The following EYA4 variants were observed in gnomAD, a reference collection of about 807,000 sequenced individuals.
EYA4 encodes the protein EYA transcriptional coactivator and phosphatase 4.
Under a neutral mutation model 87.9 loss-of-function variants are expected in EYA4, and 31 were observed. That is an observed-to-expected ratio of 0.35 (90% confidence interval 0.27 to 0.48). The LOEUF (loss-of-function observed/expected upper bound fraction) is 0.48. Ranked by LOEUF, EYA4 falls within the 20% of genes least tolerant of loss-of-function variation. The pLI is 0.99. For synonymous variants in EYA4, 263 were observed against 270.6 expected (o/e 0.97, Z 0.28); for missense variants, 678 against 761.4 (o/e 0.89, Z 1.29).
At chr6:133,417,716 C>A (rs917188315) in intron 3 of EYA4, among the ~76,000 whole-genome samples, 1 of 152,116 alleles carries the variant, frequency 6.6e-6, no homozygotes, top group African/African-American at 2.4e-5. Context: ...ACGTTATTTT[C>A]TCCTTTAATC....
intron 2 of EYA4, among the ~76,000 whole-genome samples, chr6:133,321,575 T>C (rs946533408): frequency 2.6e-5 from 4 of 152,202 alleles, no homozygotes; most frequent in African/African-American, 9.7e-5. Context: ...TATTTGAAAA[T>C]CCTAAACAAA....
chr6:133,282,598 A>ATG (rs1554216621), intron 2 of EYA4, among the ~76,000 whole-genome samples: 2,707 of 151,272 alleles, frequency 0.018, 36 homozygotes, highest in South Asian at 0.06. Context: ...GTATATATAT[A>ATG]TATGTATATA....
chr6:133,353,896 G>C (rs1005579696), intron 2 of EYA4, among the ~76,000 whole-genome samples: 6 of 152,160 alleles, frequency 3.9e-5, no homozygotes, highest in Admixed American at 3.9e-4. Flanking sequence ...GTTTTCGTCA[G>C]TGAAAACCCA....
Position 133,294,369 on chromosome 6 carries a change from T to C in EYA4, c.33+19556T>C, listed in dbSNP as rs1469974696. ...TTTTTTTTTTGTTTTGTTTTTGTTT[T>C]TTTTGTTTTTTTTTTTAAGAGACAG... On this transcript the variant is annotated intron_variant, in intron 2 of 19. Transcript: ENST00000355286. Among the ~76,000 whole-genome samples, 8 of 151,058 alleles carry C rather than the reference T, an allele frequency of 5.3e-5. No individual in the cohort carries two copies. In the East Asian group the frequency reaches 7.8e-4, roughly 15 times the overall value.
chr6:133,377,444 A>G lies in EYA4; in HGVS notation c.34-4948A>G, dbSNP rs1231532303. ...GTGTCAAACTGCTTACGTCTAGTTC[A>G]TCTCTGTGGCTGGAACACTGCCTCG... On this transcript the variant is annotated intron_variant, in intron 2 of 19. Coordinates refer to ENST00000355286, the MANE Select transcript of EYA4 (RefSeq NM_004100.5). 3.9e-5 allele frequency among the ~76,000 whole-genome samples: 6 copies of G among 151,940 alleles called. No homozygotes were observed. In the East Asian group the frequency reaches 1.2e-3, roughly 29 times the overall value.
intron 1 of EYA4, among the ~76,000 whole-genome samples, chr6:133,244,085 G>T (rs1211918299): frequency 1.3e-5 from 2 of 152,118 alleles, no homozygotes; most frequent in Non-Finnish European, 2.9e-5. Flanking sequence ...AATTAGATTT[G>T]TTGAAAATGT....
Position 133,336,859 on chromosome 6 carries a change from A to G in EYA4, c.34-45533A>G, listed in dbSNP as rs370603871. Among the ~76,000 whole-genome samples the G allele has an allele frequency of 9.2e-5, 14 of 152,238 alleles. No individual in the cohort carries two copies. In the East Asian group the frequency reaches 1.9e-3, roughly 21 times the overall value. On this transcript the variant is annotated intron_variant, in intron 2 of 19. Coordinates refer to ENST00000355286, the MANE Select transcript of EYA4 (RefSeq NM_004100.5). ...AAGTGTTCATTGTACTAATCTTTCA[A>G]TTTTTTTGCATCTATGAAAATTTTT...
intron 13 of EYA4, among the ~76,000 whole-genome samples, chr6:133,496,311 T>C (rs967492262): frequency 6.6e-6 from 1 of 152,222 alleles, no homozygotes; most frequent in Non-Finnish European, 1.5e-5. Context: ...ATTTCCACAA[T>C]ATGCATGTTA....
At chr6:133,419,254 A>G (rs1790017430) in intron 3 of EYA4, among the ~76,000 whole-genome samples, 2 of 152,268 alleles carry the variant, frequency 1.3e-5, no homozygotes, top group South Asian at 4.1e-4. Context: ...TGAGGGATGT[A>G]TTTTCCCAAA....
At chr6:133,459,087 T>C (rs895780054) in intron 6 of EYA4, among the ~76,000 whole-genome samples, 1 of 152,194 alleles carries the variant, frequency 6.6e-6, no homozygotes, top group African/African-American at 2.4e-5. Flanking sequence ...CTCACTTTAA[T>C]CCAATTTTGT....
At chr6:133,349,188 C>A (rs915000587) in intron 2 of EYA4, among the ~76,000 whole-genome samples, 3 of 152,190 alleles carry the variant, frequency 2.0e-5, no homozygotes, top group African/African-American at 7.2e-5. Context: ...TCCAAAATAT[C>A]TTTTGAATAA....
At chr6:133,442,552 A>C (rs1272890094) in intron 3 of EYA4, among the ~76,000 whole-genome samples, 2 of 152,094 alleles carry the variant, frequency 1.3e-5, no homozygotes, top group Non-Finnish European at 2.9e-5. Context: ...TTCACTCATT[A>C]GTTCTAGTAG....
chr6:133,469,550 C>G (rs1240707960), intron 11 of EYA4, among the ~76,000 whole-genome samples: 5 of 151,748 alleles, frequency 3.3e-5, no homozygotes, highest in Non-Finnish European at 5.9e-5. Context: ...CATATATATG[C>G]TAGAAAATGG....
At chr6:133,354,464 CTG>C (rs1249999980) in intron 2 of EYA4, among the ~76,000 whole-genome samples, 1 of 152,120 alleles carries the variant, frequency 6.6e-6, no homozygotes, top group Non-Finnish European at 1.5e-5. Context: ...AATGTTTACT[CTG>C]TGCTATACGT....
At chr6:133,428,809 C>T (rs6940974) in intron 3 of EYA4, among the ~76,000 whole-genome samples, 3,404 of 151,222 alleles carry the variant, frequency 0.023, 116 homozygotes, top group African/African-American at 0.078. Context: ...CTCCTTCTGT[C>T]CCATTGGCAC....
chr6:133,276,113 G>A (rs1777143130), intron 2 of EYA4, among the ~76,000 whole-genome samples: 1 of 152,202 alleles, frequency 6.6e-6, no homozygotes, highest in African/African-American at 2.4e-5. Flanking sequence ...TGGTGGACTT[G>A]AATAGTTAGT....
intron 2 of EYA4, among the ~76,000 whole-genome samples, chr6:133,369,059 A>G (rs1383121859): frequency 2.6e-5 from 4 of 152,230 alleles, no homozygotes; most frequent in Non-Finnish European, 5.9e-5. Flanking sequence ...AGATAAACAA[A>G]TTAGAGACAG....
chr6:133,242,306 G>A (rs1185959398), intron 1 of EYA4, among the ~76,000 whole-genome samples: 2 of 152,208 alleles, frequency 1.3e-5, no homozygotes, highest in Non-Finnish European at 2.9e-5. Context: ...TAATCTCCAG[G>A]CACTGATCGG....
At chr6:133,489,401 AGG>A (rs2128724290) in intron 13 of EYA4, among the ~76,000 whole-genome samples, 1 of 152,264 alleles carries the variant, frequency 6.6e-6, no homozygotes, top group South Asian at 2.1e-4. Context: ...ACATGCAAGA[AGG>A]TTCTAGAACA....
Sources: allele counts gnomAD v4.1 joint callset (sites outside exome capture counted in the v4.1 genomes callset), GRCh38; gene constraint gnomAD v4.1.1; transcripts MANE v1.5; gene names NCBI Gene and HGNC (gene_info 2026-07-23, HGNC 2026-07-21).